RBFOX1: variants seen among roughly 807,000 people sequenced by gnomAD.
RBFOX1 encodes the protein RNA binding fox-1 homolog 1.
Under a neutral mutation model 57.7 loss-of-function variants are expected in RBFOX1, and 8 were observed. That is an observed-to-expected ratio of 0.14 (90% CI 0.08 to 0.25). The LOEUF (loss-of-function observed/expected upper bound fraction) is 0.25, where lower values mean the gene tolerates loss of function less well. Ranked by LOEUF, RBFOX1 falls within the 10% of genes least tolerant of loss-of-function variation. The pLI is 1.00. For synonymous variants in RBFOX1, 326 were observed against 222.4 expected (o/e 1.47, Z -4.15); for missense variants, 611 against 548.5 (o/e 1.11, Z -1.14).
chr16:6,984,464 T>TG (rs1375931548), intron 3 of RBFOX1, among the ~76,000 whole-genome samples: 1 of 152,148 alleles, frequency 6.6e-6, no homozygotes, highest in Non-Finnish European at 1.5e-5. Context: ...TCCCTATGGA[T>TG]GAAGCCACTG....
chr16:6,989,661 G>A (rs748623529), intron 3 of RBFOX1, among the ~76,000 whole-genome samples: 1 of 152,148 alleles, frequency 6.6e-6, no homozygotes, highest in Non-Finnish European at 1.5e-5. Context: ...CAAAGGAACA[G>A]AAGCTACTTG....
intron 4 of RBFOX1, among the ~76,000 whole-genome samples, chr16:7,144,417 C>CTTCTTCTTTTTTTT (rs3046798): frequency 4.5e-5 from 3 of 66,910 alleles, no homozygotes; most frequent in African/African-American, 1.8e-4. Context: ...TTTCTTTCTT[C>CTTCTTCTTTTTTTT]TTTTTTTTTT....
intron 2 of RBFOX1, among the ~76,000 whole-genome samples, chr16:6,486,661 T>TA (rs975909034): frequency 1.8e-4 from 27 of 148,792 alleles, no homozygotes; most frequent in African/African-American, 4.9e-4. Context: ...ATTTTATTAT[T>TA]TTTTTTTTTG....
intron 3 of RBFOX1, among the ~76,000 whole-genome samples, chr16:5,736,722 C>T (rs185019101): frequency 2.0e-5 from 3 of 152,062 alleles, no homozygotes; most frequent in South Asian, 4.2e-4. Context: ...CTCTCTGCCC[C>T]CTCCCCTCTC....
At chr16:6,546,385 C>A (rs1384073037) in intron 2 of RBFOX1, among the ~76,000 whole-genome samples, 1 of 152,202 alleles carries the variant, frequency 6.6e-6, no homozygotes, top group African/African-American at 2.4e-5. Context: ...TTTATTGCCT[C>A]ACCATTCTGG....
intron 3 of RBFOX1, among the ~76,000 whole-genome samples, chr16:5,703,600 G>C (rs960473731): frequency 3.9e-4 from 59 of 152,308 alleles, no homozygotes; most frequent in African/African-American, 1.4e-3. Context: ...GGTTAATGCA[G>C]AGACTCTGGA....
chr16:7,113,441 G>C (rs1006662450), intron 4 of RBFOX1, among the ~76,000 whole-genome samples: 2 of 152,100 alleles, frequency 1.3e-5, no homozygotes, highest in Admixed American at 6.5e-5. Flanking sequence ...TTCTCCTCCT[G>C]TTGACAATAT....
intron 4 of RBFOX1, among the ~76,000 whole-genome samples, chr16:7,358,232 G>A (rs1305185168): frequency 1.3e-5 from 2 of 152,236 alleles, no homozygotes; most frequent in Admixed American, 6.5e-5. Context: ...ACATAACCAA[G>A]TCAGCCTCTG....
intron 2 of RBFOX1, among the ~76,000 whole-genome samples, chr16:6,393,376 G>T (rs943420118): frequency 1.3e-5 from 2 of 152,190 alleles, no homozygotes; most frequent in Non-Finnish European, 2.9e-5. Context: ...TTCGGATACA[G>T]GGAAGGACAG....
At position 6,483,931 on chromosome 16, in the gene RBFOX1, C is replaced by G. The variant is rs545081427; in HGVS notation, c.-64+166874C>G. 7 of 1,071,668 alleles carry G rather than the reference C, an allele frequency of 6.5e-6. No individual in the cohort carries two copies. The South Asian group carries it at 9.2e-5, about 14-fold the overall frequency. The allele number at this position is 1,071,668 out of a possible 1,614,324, so 66.4% of individuals were successfully genotyped here. A position where few individuals can be genotyped will look rare whatever the true frequency, so the allele number is the denominator to read the frequency against. ...TGGGACGCGGTATGTAAGCCGAGCT[C>G]CAGCTCCGGGGACCTCGGAGACTGT... On this transcript the variant is annotated intron_variant, in intron 2 of 15. Transcript: ENST00000550418.
intron 3 of RBFOX1, among the ~76,000 whole-genome samples, chr16:6,807,787 G>T (rs143849366): frequency 3.7e-4 from 56 of 152,080 alleles, no homozygotes; most frequent in African/African-American, 1.3e-3. Flanking sequence ...CTGTACTCCA[G>T]CCTGGTGACA....
intron 3 of RBFOX1, among the ~76,000 whole-genome samples, chr16:6,678,632 T>G (rs2154119029): frequency 6.6e-6 from 1 of 151,526 alleles, no homozygotes. Flanking sequence ...CCTTTTTGCT[T>G]TACCATATGT....
intron 4 of RBFOX1, among the ~76,000 whole-genome samples, chr16:7,173,766 G>C (rs577188501): frequency 2.2e-4 from 33 of 152,254 alleles, no homozygotes; most frequent in African/African-American, 7.2e-4. Flanking sequence ...AGTTCCACTT[G>C]CAGCACAAAG....
At chr16:6,580,247 A>G (rs1168487866) in intron 2 of RBFOX1, among the ~76,000 whole-genome samples, 2 of 152,150 alleles carry the variant, frequency 1.3e-5, no homozygotes, top group Non-Finnish European at 2.9e-5. Context: ...ATGAGCCACC[A>G]TGCCCGGCCA....
chr16:6,246,763 T>C (rs74404000), intron 1 of RBFOX1, among the ~76,000 whole-genome samples: 3,068 of 152,258 alleles, frequency 0.02, 51 homozygotes, highest in African/African-American at 0.034. Flanking sequence ...CTCTATCTTG[T>C]TTCCTAAACT....
At chr16:6,986,274 C>T (rs146908522) in intron 3 of RBFOX1, among the ~76,000 whole-genome samples, 1,650 of 151,954 alleles carry the variant, frequency 0.011, 36 homozygotes, top group African/African-American at 0.037. Flanking sequence ...GATCTTGGCT[C>T]ACTGCAACCT....
At chr16:6,482,865 C>A (rs1419260728) in intron 2 of RBFOX1, among the ~76,000 whole-genome samples, 3 of 152,110 alleles carry the variant, frequency 2.0e-5, no homozygotes, top group East Asian at 3.9e-4. Context: ...GCAGGAGTAG[C>A]GTAAGTAATT....
chr16:7,510,102 G>T (rs748640176), intron 4 of RBFOX1: 1 of 982,136 alleles, frequency 1.0e-6, no homozygotes, highest in Non-Finnish European at 1.2e-6. Context: ...GTGCCATCTG[G>T]GTTGGTTTTG....
At chr16:6,161,322 AAGGTTGC>A (rs1330252262) in intron 1 of RBFOX1, among the ~76,000 whole-genome samples, 1 of 151,868 alleles carries the variant, frequency 6.6e-6, no homozygotes, top group Non-Finnish European at 1.5e-5. Flanking sequence ...CTGGGAGGCA[AAGGTTGC>A]AGTGAGCGAA....
Sources: gnomAD v4.1 joint callset for allele counts (sites outside exome capture counted in the v4.1 genomes callset) on GRCh38, gnomAD v4.1.1 for gene constraint, MANE v1.5 for transcripts, NCBI Gene and HGNC (gene_info 2026-07-23, HGNC 2026-07-21) for gene names.